The following TBC1D22A variants were observed in gnomAD, a reference collection of about 807,000 sequenced individuals.
The protein encoded by TBC1D22A is TBC1 domain family member 22A, also known as putative GTPase activator.
A neutral mutation model predicts 60.2 loss-of-function variants in TBC1D22A; 38 were observed. That is an observed-to-expected ratio of 0.63 (90% CI 0.49 to 0.83). The LOEUF is 0.83. Among genes scored for constraint, TBC1D22A ranks in the 40% least tolerant of loss-of-function variants. TBC1D22A has a pLI of 0.00. For missense variants in TBC1D22A, 628 were observed against 701.0 expected (o/e 0.90, Z 1.18); for synonymous variants, 302 against 281.7 (o/e 1.07, Z -0.72).
At chr22:47,090,810 GGTGGCTGC>G in intron 11 of TBC1D22A, among the ~76,000 whole-genome samples, 1 of 149,210 alleles carries the variant, frequency 6.7e-6, no homozygotes, top group Admixed American at 6.7e-5. Context: ...TCGCGGAGGG[GGTGGCTGC>G]TTGTTGATAG....
intron 11 of TBC1D22A, among the ~76,000 whole-genome samples, chr22:47,099,088 GC>G (rs2065306646): frequency 2.0e-5 from 3 of 152,232 alleles, no homozygotes; most frequent in African/African-American, 7.2e-5. Context: ...CAAGGCTGCT[GC>G]AGAGGTGAAA....
chr22:47,144,020 GC>G (rs1236808667), intron 12 of TBC1D22A, among the ~76,000 whole-genome samples: 1 of 152,186 alleles, frequency 6.6e-6, no homozygotes, highest in Admixed American at 6.5e-5. Context: ...ATGTCCAAAG[GC>G]CCCTCCTCCA....
intron 11 of TBC1D22A, among the ~76,000 whole-genome samples, chr22:47,040,305 C>T (rs1042681670): frequency 6.6e-6 from 1 of 152,098 alleles, no homozygotes; most frequent in Non-Finnish European, 1.5e-5. Context: ...ATGAGAACGG[C>T]GTGGAGAAGG....
At chr22:46,770,162 C>A (rs1261675042) in intron 1 of TBC1D22A, among the ~76,000 whole-genome samples, 1 of 152,156 alleles carries the variant, frequency 6.6e-6, no homozygotes, top group Non-Finnish European at 1.5e-5. Flanking sequence ...GGGATGGACT[C>A]CACCCACAGC....
chr22:47,142,559 C>T (rs1194135807), intron 12 of TBC1D22A, among the ~76,000 whole-genome samples: 1 of 129,920 alleles, frequency 7.7e-6, no homozygotes, highest in African/African-American at 3.1e-5. Context: ...CCCACCCACC[C>T]ATCTATCCAC....
intron 3 of TBC1D22A, among the ~76,000 whole-genome samples, chr22:46,796,048 C>T (rs996883173): frequency 1.3e-5 from 2 of 152,140 alleles, no homozygotes; most frequent in African/African-American, 4.8e-5. Flanking sequence ...CCAGACGCCC[C>T]GGGCTGGAGC....
At chr22:47,040,390 A>C (rs781373848) in intron 11 of TBC1D22A, among the ~76,000 whole-genome samples, 1 of 152,140 alleles carries the variant, frequency 6.6e-6, no homozygotes, top group Non-Finnish European at 1.5e-5. Context: ...TTACAATTAG[A>C]CATGAGATTT....
At chr22:46,808,953 C>G (rs1201734312) in intron 4 of TBC1D22A, among the ~76,000 whole-genome samples, 1 of 152,224 alleles carries the variant, frequency 6.6e-6, no homozygotes, top group African/African-American at 2.4e-5. Flanking sequence ...AAATCCCAGA[C>G]TATGTTCAAA....
intron 8 of TBC1D22A, among the ~76,000 whole-genome samples, chr22:46,938,554 A>T (rs2071794521): frequency 1.3e-5 from 2 of 148,944 alleles, no homozygotes; most frequent in African/African-American, 5.0e-5. Context: ...CTCTTTCTTG[A>T]TATTATTTTA....
rs2083143276 is a variant in TBC1D22A, at chr22:46,762,777, A to G, written c.-10A>G. 6.9e-7 allele frequency: 1 copy of G among 1,440,164 alleles called. No individual in the cohort carries two copies. The highest frequency in any genetic ancestry group is 3.7e-5 in the Admixed American group (1 of 27,268). 89.2% of individuals were successfully genotyped at this position (1,440,164 alleles called of 1,614,324 possible). A position where few individuals can be genotyped will look rare whatever the true frequency, so the allele number is the denominator to read the frequency against. ...GTCTGGGCCGCGGGTCTGAGGGATGAGGAGGGGCCATGGCCAGCGACGGGG... is the reference window on the plus strand; with the variant it reads ...GTCTGGGCCGCGGGTCTGAGGGATGGGGAGGGGCCATGGCCAGCGACGGGG... On this transcript the variant is annotated 5_prime_UTR_variant, in exon 1 of 13. Transcript: ENST00000337137.
At position 47,143,831 on chromosome 22, in the gene TBC1D22A, G is replaced by A. The variant is rs964845009; in HGVS notation, c.1426-29667G>A. On this transcript the variant is annotated intron_variant, in intron 12 of 12. Transcript: ENST00000337137. ...GAGGTGCATGAGGAGGGCTGGGCCC[G>A]GAGGTGAAGGTTGACAACTACAGCC... 4.6e-5 allele frequency among the ~76,000 whole-genome samples: 7 copies of A among 152,364 alleles called. 1 individual carries two copies. Among genetic ancestry groups the A allele is most frequent in the African/African-American group, 4.8e-5 (2 of 41,580 alleles).
intron 10 of TBC1D22A, among the ~76,000 whole-genome samples, chr22:47,035,572 C>G (rs753568584): frequency 4.6e-5 from 7 of 152,170 alleles, no homozygotes; most frequent in African/African-American, 1.2e-4. Context: ...CCCCTGACAC[C>G]CAGCCCTACA....
chr22:46,974,560 G>A (rs988791708), intron 9 of TBC1D22A, among the ~76,000 whole-genome samples, 161 bp downstream of exon 9: 49 of 152,228 alleles, frequency 3.2e-4, no homozygotes, highest in Non-Finnish European at 6.6e-4. Flanking sequence ...CCGGGTTGAC[G>A]AGGGGTGAGA....
chr22:46,931,255 T>TG (rs1186001398), intron 8 of TBC1D22A, among the ~76,000 whole-genome samples: 1 of 152,256 alleles, frequency 6.6e-6, no homozygotes, highest in Non-Finnish European at 1.5e-5. Flanking sequence ...GCTGAGATGT[T>TG]GGGATTTTTA....
chr22:46,863,612 C>G (rs558542046), intron 4 of TBC1D22A, among the ~76,000 whole-genome samples: 2 of 152,260 alleles, frequency 1.3e-5, no homozygotes, highest in Non-Finnish European at 2.9e-5. Flanking sequence ...TCGTGCTTAT[C>G]CCAATTAGGA....
intron 12 of TBC1D22A, among the ~76,000 whole-genome samples, chr22:47,138,968 C>T (rs369887280): frequency 1.3e-5 from 2 of 152,174 alleles, no homozygotes; most frequent in South Asian, 2.1e-4. Flanking sequence ...GGATTTTAAC[C>T]GATGGATTGG....
chr22:46,806,729 G>C (rs1308738657), intron 4 of TBC1D22A, among the ~76,000 whole-genome samples: 1 of 152,232 alleles, frequency 6.6e-6, no homozygotes. Flanking sequence ...CTCTGGGTAT[G>C]ATGGTGAGTT....
intron 1 of TBC1D22A, among the ~76,000 whole-genome samples, chr22:46,792,276 C>T (rs1273011331): frequency 6.6e-6 from 1 of 152,128 alleles, no homozygotes; most frequent in East Asian, 1.9e-4. Context: ...GGTCCATTCT[C>T]AGGGATGGGC....
chr22:47,173,935 C>G lies in TBC1D22A; in HGVS notation c.*309C>G. On this transcript the variant is annotated 3_prime_UTR_variant, in exon 13 of 13. Transcript: ENST00000337137. ...TTGCCAAATGACTGCCTCGTGCTGC[C>G]CCTAGTCCGGGGCAGCCTAGGAGGC... The G allele has an allele frequency of 3.4e-6, 1 of 291,392 alleles. No homozygotes were observed. Among genetic ancestry groups the G allele is most frequent in the Non-Finnish European group, 6.6e-6 (1 of 151,362 alleles). 18.1% of individuals were successfully genotyped at this position (291,392 alleles called of 1,614,324 possible).
Sources: allele counts gnomAD v4.1 joint callset (sites outside exome capture counted in the v4.1 genomes callset), GRCh38; gene constraint gnomAD v4.1.1; transcripts MANE v1.5; gene names NCBI Gene and HGNC (gene_info 2026-07-23, HGNC 2026-07-21).